Variants in PARVA observed in about 807,000 individuals in gnomAD.
PARVA encodes the protein alpha-parvin.
In PARVA, 25 loss-of-function variants were observed where a neutral mutation model predicts 52.6. That is an observed-to-expected ratio of 0.48 (90% CI 0.35 to 0.66). The LOEUF (loss-of-function observed/expected upper bound fraction) is 0.66, where lower values mean the gene tolerates loss of function less well. Ranked by LOEUF, PARVA falls within the 30% of genes least tolerant of loss-of-function variation. PARVA has a pLI of 0.01. For synonymous variants in PARVA, 185 were observed against 179.1 expected (o/e 1.03, Z -0.26); for missense variants, 373 against 450.9 (o/e 0.83, Z 1.56).
At chr11:12,456,423 G>T (rs1287702964) in intron 1 of PARVA, among the ~76,000 whole-genome samples, 1 of 152,042 alleles carries the variant, frequency 6.6e-6, no homozygotes, top group African/African-American at 2.4e-5. Flanking sequence ...TATCATCAGG[G>T]TAGTGTACAT....
intron 1 of PARVA, among the ~76,000 whole-genome samples, chr11:12,447,019 C>T (rs1164997063): frequency 6.6e-6 from 1 of 152,188 alleles, no homozygotes; most frequent in Non-Finnish European, 1.5e-5. Flanking sequence ...TCTGTCTCCT[C>T]TCTATGTCCT....
chr11:12,487,137 GTAGC>G (rs1290249716), intron 4 of PARVA, among the ~76,000 whole-genome samples: 1 of 152,184 alleles, frequency 6.6e-6, no homozygotes, highest in Non-Finnish European at 1.5e-5. Flanking sequence ...TGTAGGGAGA[GTAGC>G]TAGAGTAAAC....
intron 1 of PARVA, among the ~76,000 whole-genome samples, chr11:12,385,889 G>A (rs1939565915): frequency 1.3e-5 from 2 of 152,132 alleles, no homozygotes; most frequent in African/African-American, 4.8e-5. Flanking sequence ...TGACCCAAGG[G>A]CAGTAGTTTG....
chr11:12,425,888 C>T (rs760023872), intron 1 of PARVA, among the ~76,000 whole-genome samples: 4 of 152,188 alleles, frequency 2.6e-5, no homozygotes, highest in Non-Finnish European at 5.9e-5. Flanking sequence ...GCCAAGGACA[C>T]GTTTTATTCG....
intron 1 of PARVA, among the ~76,000 whole-genome samples, chr11:12,463,945 A>T (rs1940818847): frequency 6.7e-6 from 1 of 149,164 alleles, no homozygotes; most frequent in African/African-American, 2.5e-5. Flanking sequence ...CAGCTCTTTC[A>T]ATCAGCTCCT....
intron 1 of PARVA, among the ~76,000 whole-genome samples, chr11:12,439,668 T>C (rs1428853195): frequency 6.6e-6 from 1 of 152,194 alleles, no homozygotes; most frequent in Non-Finnish European, 1.5e-5. Context: ...TTTCCCATAT[T>C]GGCCCTACCT....
At chr11:12,491,597 C>A (rs956738888) in intron 4 of PARVA, among the ~76,000 whole-genome samples, 1 of 151,876 alleles carries the variant, frequency 6.6e-6, no homozygotes, top group Non-Finnish European at 1.5e-5. Context: ...GACTTTAAGG[C>A]AAAAGGCATT....
chr11:12,473,375 G>C (rs529084924), intron 1 of PARVA, among the ~76,000 whole-genome samples: 1 of 152,162 alleles, frequency 6.6e-6, no homozygotes. Flanking sequence ...CACAGTCGCC[G>C]GGCACCAGAC....
intron 9 of PARVA, 84 bp from the exon 10 acceptor site, chr11:12,513,901 ACCCTCACCCTTG>A (rs2135078731): frequency 9.0e-7 from 1 of 1,107,380 alleles, no homozygotes; most frequent in Non-Finnish European, 1.4e-6. Flanking sequence ...CTCTGCTTTC[ACCCTCACCCTTG>A]CCCTCACGGG....
intron 1 of PARVA, among the ~76,000 whole-genome samples, chr11:12,402,152 C>T (rs7934664): frequency 0.023 from 3,492 of 152,056 alleles, 99 homozygotes; most frequent in African/African-American, 0.065. Flanking sequence ...CCAATGAGGG[C>T]GAAGTGCCCC....
chr11:12,515,180 C>G (rs1564868539), intron 10 of PARVA, among the ~76,000 whole-genome samples: 1 of 152,210 alleles, frequency 6.6e-6, no homozygotes, highest in African/African-American at 2.4e-5. Flanking sequence ...TATTTTTCCT[C>G]TCTTTATACT....
intron 1 of PARVA, among the ~76,000 whole-genome samples, chr11:12,395,582 T>C (rs1939730691): frequency 6.6e-6 from 1 of 152,244 alleles, no homozygotes; most frequent in Non-Finnish European, 1.5e-5. Context: ...GTTCAACCCA[T>C]GACACATATC....
chr11:12,409,962 A>G (rs943890356), intron 1 of PARVA, among the ~76,000 whole-genome samples: 1 of 152,168 alleles, frequency 6.6e-6, no homozygotes, highest in Non-Finnish European at 1.5e-5. Flanking sequence ...AGGCTGTCTG[A>G]GACAGCATCT....
At chr11:12,480,871 A>C (rs1263632533) in intron 4 of PARVA, 1 of 149,856 alleles carries the variant, frequency 6.7e-6, no homozygotes, top group African/African-American at 2.4e-5. Context: ...CTGGAAGCAG[A>C]GATTTTGGGG....
At chr11:12,492,525 CT>C (rs1941245949) in intron 4 of PARVA, among the ~76,000 whole-genome samples, 1 of 151,920 alleles carries the variant, frequency 6.6e-6, no homozygotes, top group African/African-American at 2.4e-5. Flanking sequence ...TACTATTAAG[CT>C]ATAGAAATAT....
intron 1 of PARVA, among the ~76,000 whole-genome samples, chr11:12,426,689 T>C (rs1376396906): frequency 1.3e-5 from 2 of 152,148 alleles, no homozygotes; most frequent in African/African-American, 4.8e-5. Flanking sequence ...TCACATCGTA[T>C]GTTTGTGAAA....
upstream of PARVA, chr11:12,376,781 T>C (rs1402566572): frequency 1.1e-6 from 1 of 942,878 alleles, no homozygotes; most frequent in East Asian, 1.2e-4. Context: ...GTATGAGTCC[T>C]TCAAACACTG....
chr11:12,511,012 C>G (rs1402566839), intron 7 of PARVA, among the ~76,000 whole-genome samples: 1 of 152,028 alleles, frequency 6.6e-6, no homozygotes, highest in East Asian at 1.9e-4. Context: ...GAAAACCTAC[C>G]CTGGGTCAAT....
rs1939704833 is a variant in PARVA, at chr11:12,394,385, TA to T, written c.136+16605del. Among the ~76,000 whole-genome samples the T allele has an allele frequency of 2.0e-5, 3 of 152,334 alleles. 1 individual carries two copies. The South Asian group carries it at 6.2e-4, about 32-fold the overall frequency. ...CACTTATGAGACTATCAAGAAAATG[TA>T]AACACTCATGGGAGATCTGATGATA... On this transcript the variant is annotated intron_variant, in intron 1 of 12. Coordinates refer to ENST00000334956, the MANE Select transcript of PARVA (RefSeq NM_018222.5).
Sources: gnomAD v4.1 joint callset for allele counts (sites outside exome capture counted in the v4.1 genomes callset) on GRCh38, gnomAD v4.1.1 for gene constraint, MANE v1.5 for transcripts, NCBI Gene and HGNC (gene_info 2026-07-23, HGNC 2026-07-21) for gene names.